PAPPA2: variants seen among roughly 807,000 people sequenced by gnomAD.
The protein encoded by PAPPA2 is pappalysin 2.
In PAPPA2, 86 loss-of-function variants were observed where a neutral mutation model predicts 176.4. That is an observed-to-expected ratio of 0.49 (90% CI 0.41 to 0.58). The LOEUF is 0.58. Ranked by LOEUF, PAPPA2 falls within the 20% of genes least tolerant of loss-of-function variation. The pLI, the probability that PAPPA2 is intolerant of heterozygous loss-of-function variation, is 0.00. For synonymous variants in PAPPA2, 809 were observed against 852.2 expected (o/e 0.95, Z 0.88); for missense variants, 2,073 against 2,256.9 (o/e 0.92, Z 1.65).
At chr1:176,700,107 C>T (rs904489877) in intron 8 of PAPPA2, among the ~76,000 whole-genome samples, 1 of 152,196 alleles carries the variant, frequency 6.6e-6, no homozygotes, top group East Asian at 1.9e-4. Flanking sequence ...ACCCCAATAA[C>T]CAACTCTCTT....
intron 17 of PAPPA2, among the ~76,000 whole-genome samples, chr1:176,771,602 T>G (rs1238214763): frequency 2.0e-5 from 3 of 152,220 alleles, no homozygotes; most frequent in Non-Finnish European, 4.4e-5. Context: ...TGATTAAAAA[T>G]ATCCGCCAGT....
chr1:176,810,323 G>C (rs1310951593), intron 21 of PAPPA2, among the ~76,000 whole-genome samples: 1 of 152,128 alleles, frequency 6.6e-6, no homozygotes, highest in Non-Finnish European at 1.5e-5. Flanking sequence ...TGAAGAACTG[G>C]AATGGTTTAG....
At chr1:176,566,123 C>T (rs558854037) in intron 2 of PAPPA2, among the ~76,000 whole-genome samples, 62 of 152,284 alleles carry the variant, frequency 4.1e-4, no homozygotes, top group African/African-American at 1.3e-3. Flanking sequence ...AGATGAAGCT[C>T]ACATAGCTCA....
chr1:176,815,489 C>T (rs1236546508), intron 21 of PAPPA2, among the ~76,000 whole-genome samples: 1 of 152,084 alleles, frequency 6.6e-6, no homozygotes, highest in Non-Finnish European at 1.5e-5. Context: ...ACCTGTTTCA[C>T]TTATTTCTTC....
intron 3 of PAPPA2, among the ~76,000 whole-genome samples, chr1:176,644,271 A>G (rs1266321447): frequency 6.6e-6 from 1 of 151,786 alleles, no homozygotes; most frequent in Non-Finnish European, 1.5e-5. Flanking sequence ...GGCAGGTTCA[A>G]GCAACTTCTG....
intron 17 of PAPPA2, among the ~76,000 whole-genome samples, chr1:176,784,613 A>C (rs1340524323): frequency 6.7e-6 from 1 of 150,320 alleles, no homozygotes; most frequent in African/African-American, 2.5e-5. Context: ...TTTAGACAGA[A>C]TCTTGCTCTG....
At chr1:176,501,039 G>A (rs1647930060) in intron 1 of PAPPA2, among the ~76,000 whole-genome samples, 2 of 148,700 alleles carry the variant, frequency 1.3e-5, no homozygotes, top group South Asian at 4.2e-4. Context: ...AACATATATA[G>A]GCATATACAA....
rs144803010 is a variant in PAPPA2, at chr1:176,549,510, A to G, written c.-916-5897A>G. 2.3e-3 allele frequency among the ~76,000 whole-genome samples: 348 copies of G among 152,368 alleles called. 3 individuals are homozygous for G. The highest frequency in any genetic ancestry group is 8.2e-3 in the African/African-American group (342 of 41,590). On this transcript the variant is annotated intron_variant, in intron 1 of 22. Transcript: ENST00000367662. ...TTTTACAGATAGCTCAGAGAAGTTC[A>G]TTAACTTGCCCAACGTCAGGCAGCT... is the stretch of plus-strand genomic sequence containing the variant.
In PAPPA2 at chr1:176,692,199, G is replaced by T; in HGVS notation, c.2505G>T (p.Gln835His). The T allele has an allele frequency of 6.2e-7, 1 of 1,614,052 alleles. No homozygotes were observed. The highest frequency in any genetic ancestry group is 8.5e-7 in the Non-Finnish European group (1 of 1,179,958). ...RMHCYLDLVY[Q>H]QWTESRKPTP... ...ATTGCTATTTGGACCTAGTCTATCA[G>T]CAGTGGACTGAAAGCAGAAAGCCCA... Residue 835 changes from glutamine to histidine, a missense_variant, in exon 6 of 23, where the codon CAG (glutamine) becomes CAT (histidine). Physicochemically the swap from Gln to His is conservative, Grantham distance 24. This residue lies in a region of PAPPA2 where 1,196 missense variants were observed against 1,330.4 expected (regional missense o/e 0.90). Transcript: ENST00000367662.
intron 8 of PAPPA2, among the ~76,000 whole-genome samples, chr1:176,701,903 C>T (rs1660665229): frequency 6.6e-6 from 1 of 152,182 alleles, no homozygotes; most frequent in Non-Finnish European, 1.5e-5. Flanking sequence ...TTGCCTTTCA[C>T]CCTCACCACA....
chr1:176,805,720 A>T (rs1665876542), intron 21 of PAPPA2, among the ~76,000 whole-genome samples: 1 of 152,100 alleles, frequency 6.6e-6, no homozygotes, highest in African/African-American at 2.4e-5. Context: ...CAGTGGCTCA[A>T]TCCTGTAATC....
chr1:176,647,166 T>C (rs761063055), intron 3 of PAPPA2, among the ~76,000 whole-genome samples: 2 of 151,718 alleles, frequency 1.3e-5, no homozygotes, highest in Non-Finnish European at 3.0e-5. Context: ...ATCAGTGATG[T>C]TGAGCACCTT....
intron 19 of PAPPA2, among the ~76,000 whole-genome samples, chr1:176,792,996 A>G (rs1449782657): frequency 6.6e-6 from 1 of 152,148 alleles, no homozygotes; most frequent in Non-Finnish European, 1.5e-5. Flanking sequence ...TTGGCTGCTG[A>G]TGCAATTATC....
At chr1:176,465,408 T>G (rs1651571997) in intron 1 of PAPPA2, among the ~76,000 whole-genome samples, 1 of 152,228 alleles carries the variant, frequency 6.6e-6, no homozygotes, top group Non-Finnish European at 1.5e-5. Context: ...TGGCTATTTT[T>G]TATTTTTCAA....
At chr1:176,530,070 A>C (rs1463569207) in intron 1 of PAPPA2, among the ~76,000 whole-genome samples, 1 of 152,198 alleles carries the variant, frequency 6.6e-6, no homozygotes, top group Non-Finnish European at 1.5e-5. Context: ...GATAGGGGCC[A>C]CAAGAGAAGA....
chr1:176,842,565 G>A lies in PAPPA2; in HGVS notation c.*111G>A, dbSNP rs1667527885. 9 of 1,005,908 alleles carry A rather than the reference G, an allele frequency of 8.9e-6. No individual in the cohort carries two copies. The highest frequency in any genetic ancestry group is 1.4e-5 in the Non-Finnish European group (9 of 661,490). 62.3% of individuals were successfully genotyped at this position (1,005,908 alleles called of 1,614,324 possible). On this transcript the variant is annotated 3_prime_UTR_variant, in exon 23 of 23. Transcript: ENST00000367662. ...AAGAACAATCATGAAATGGAAGAAG[G>A]AGGAAGAGCATGAAGGATCTTATAA...
At chr1:176,515,560 T>G (rs1648862263) in intron 1 of PAPPA2, among the ~76,000 whole-genome samples, 1 of 152,194 alleles carries the variant, frequency 6.6e-6, no homozygotes. Context: ...GACCAGTGAC[T>G]CATCAACAAG....
chr1:176,519,268 T>C (rs1405509090), intron 1 of PAPPA2, among the ~76,000 whole-genome samples: 1 of 152,076 alleles, frequency 6.6e-6, no homozygotes, highest in Non-Finnish European at 1.5e-5. Context: ...AGTGCAGTAG[T>C]AGTAGTGTGC....
chr1:176,501,402 T>C (rs1179798005), intron 1 of PAPPA2, among the ~76,000 whole-genome samples: 2 of 152,146 alleles, frequency 1.3e-5, no homozygotes, highest in Non-Finnish European at 2.9e-5. Context: ...CTAGGTGAAG[T>C]TGTCCTGTCC....
Sources: gnomAD v4.1 joint callset for allele counts (sites outside exome capture counted in the v4.1 genomes callset) on GRCh38, gnomAD v4.1.1 for gene constraint, gnomAD v4.1.1 regional missense constraint, MANE v1.5 for transcripts, NCBI Gene and HGNC (gene_info 2026-07-23, HGNC 2026-07-21) for gene names.